NIPBL: variants seen among roughly 807,000 people sequenced by gnomAD.
NIPBL encodes the protein nipped-B-like protein.
NIPBL carries 19 observed loss-of-function variants against 321.8 expected under a neutral mutation model. The observed-to-expected ratio is 0.06, with a 90% CI of 0.04 to 0.09. The LOEUF is 0.09. Among genes scored for constraint, NIPBL ranks in the 10% least tolerant of loss-of-function variants. The probability of loss-of-function intolerance (pLI) is 1.00; values close to 1 mark genes in which losing one functional copy is unlikely to be tolerated. For missense variants in NIPBL, 2,210 were observed against 3,327.0 expected (o/e 0.66, Z 8.26); for synonymous variants, 1,106 against 1,114.1 (o/e 0.99, Z 0.14).
At chr5:36,968,611 A>G (rs1468038071) in intron 6 of NIPBL, among the ~76,000 whole-genome samples, 2 of 152,150 alleles carry the variant, frequency 1.3e-5, no homozygotes, top group African/African-American at 4.8e-5. Context: ...CTGTAGTCCC[A>G]GCTACTCAAG....
chr5:37,001,122 T>A, intron 14 of NIPBL, 44 bp downstream of exon 14: 2 of 1,270,286 alleles, frequency 1.6e-6, no homozygotes, highest in Non-Finnish European at 2.3e-6. Flanking sequence ...CTAAGTGTCT[T>A]AACTGTATCC....
chr5:37,044,602 T>C (rs1479585009), intron 35 of NIPBL, 34 bp from the exon 36 acceptor site: 1 of 1,589,644 alleles, frequency 6.3e-7, no homozygotes, highest in Non-Finnish European at 8.6e-7. Flanking sequence ...AGTATATTTT[T>C]AACTTTTATC....
Position 37,003,261 on chromosome 5 carries a change from C to T in NIPBL, c.3769C>T (p.Leu1257Phe), listed in dbSNP as rs753222256. The stretch of plus-strand genomic sequence containing the variant: ...TAAAGAATTTATATTGCTATTTTAG[C>T]TTTCAACTGACAAAACTGTGAAAGT... ...KIKAMGIMDK[L>F]STDKTVKVLN... Residue 1257 changes from leucine to phenylalanine, a missense_variant and splice_region_variant, in exon 16 of 47, where the codon CTT becomes TTT. By Grantham distance (22) the Leu-to-Phe change is conservative. Coordinates refer to ENST00000282516, the MANE Select transcript of NIPBL (RefSeq NM_133433.4). 1 of 1,556,718 alleles carries T rather than the reference C, an allele frequency of 6.4e-7. No individual in the cohort carries two copies. The highest frequency in any genetic ancestry group is 1.1e-5 in the South Asian group (1 of 89,788).
intron 40 of NIPBL, 188 bp from the exon 41 acceptor site, chr5:37,051,591 G>T (rs1753550593): frequency 1.6e-6 from 1 of 606,076 alleles, no homozygotes; most frequent in African/African-American, 1.9e-5. Context: ...TGGTGCTCCA[G>T]TGCTTTCTGG....
Position 36,970,864 on chromosome 5 carries a change from T to C in NIPBL, c.611-12T>C, listed in dbSNP as rs374790890. 6.8e-6 allele frequency: 11 copies of C among 1,609,604 alleles called. No individual in the cohort carries two copies. The highest frequency in any genetic ancestry group is 9.4e-6 in the Non-Finnish European group (11 of 1,176,208). ...CTTTTATTAAACCTTTTTTTATTCTTATTAATTTCAGCATCGGTATCAAGT... is the reference window on the plus strand; with the variant it reads ...CTTTTATTAAACCTTTTTTTATTCTCATTAATTTCAGCATCGGTATCAAGT... On this transcript the variant is annotated splice_polypyrimidine_tract_variant and intron_variant, in intron 6 of 46. Transcript: ENST00000282516.
At chr5:36,885,557 A>C (rs1745829620) in intron 1 of NIPBL, 1 of 529,388 alleles carries the variant, frequency 1.9e-6, no homozygotes, top group Non-Finnish European at 3.8e-6. Context: ...CCTGGAGAAG[A>C]AGGGACCCCA....
intron 40 of NIPBL, 135 bp from the exon 41 acceptor site, chr5:37,051,644 A>G: frequency 1.5e-6 from 1 of 659,600 alleles, no homozygotes; most frequent in Admixed American, 2.8e-5. Flanking sequence ...TAAAAAGAAC[A>G]CTAAAACATA....
rs939774059 is a variant in NIPBL, at chr5:36,885,932, G to A, written c.-80+8754G>A. 6 of 736,858 alleles carry A rather than the reference G, an allele frequency of 8.1e-6. No individual in the cohort carries two copies. The African/African-American group carries it at 8.6e-5, about 11-fold the overall frequency. The allele number at this position is 736,858 out of a possible 1,614,324, so 45.6% of individuals were successfully genotyped here. A position where few individuals can be genotyped will look rare whatever the true frequency, so the allele number is the denominator to read the frequency against. On this transcript the variant is annotated intron_variant, in intron 1 of 46. Transcript: ENST00000282516. ...GAAGGTAGATGCTCCCAAATCTCAG[G>A]ACCTCGCCAAGATCATGGCAGACAT... is the stretch of plus-strand genomic sequence containing the variant.
chr5:36,985,297 A>G lies in NIPBL; in HGVS notation c.2117A>G (p.Lys706Arg). The change falls in exon 10 of 47, where the codon AAG (lysine) becomes AGG (arginine). Residue 706 changes from lysine (K) to arginine (R), a missense_variant. Physicochemically the swap from Lys to Arg is conservative, Grantham distance 26. Transcript: ENST00000282516. ...TKSRPETPKQ[K>R]GESRPETPKQ... ...TCAAGGCCTGAAACCCCAAAGCAAA[A>G]GGGTGAAAGCCGGCCTGAGACTCCA... 6.2e-7 allele frequency: 1 copy of G among 1,613,764 alleles called. No individual in the cohort carries two copies. The highest frequency in any genetic ancestry group is 1.1e-5 in the South Asian group (1 of 91,076).
chr5:36,994,148 A>G (rs933090545), intron 10 of NIPBL, among the ~76,000 whole-genome samples: 1 of 152,180 alleles, frequency 6.6e-6, no homozygotes, highest in Non-Finnish European at 1.5e-5. Flanking sequence ...ATAAAACTTA[A>G]CTAGTTAAAT....
intron 30 of NIPBL, among the ~76,000 whole-genome samples, chr5:37,025,908 G>A (rs760277381): frequency 2.0e-5 from 3 of 151,748 alleles, no homozygotes; most frequent in Non-Finnish European, 4.4e-5. Context: ...AGCAAACACT[G>A]TAACAACTTC....
chr5:36,935,078 C>A (rs937227200), intron 1 of NIPBL, among the ~76,000 whole-genome samples: 1 of 152,036 alleles, frequency 6.6e-6, no homozygotes, highest in African/African-American at 2.4e-5. Context: ...TCCTTCGCTC[C>A]TCTCTGTTTT....
chr5:36,924,150 A>G (rs1451284007), intron 1 of NIPBL, among the ~76,000 whole-genome samples: 1 of 152,214 alleles, frequency 6.6e-6, no homozygotes, highest in Non-Finnish European at 1.5e-5. Context: ...AACTTTGGAT[A>G]ACAGCTATTT....
intron 1 of NIPBL, among the ~76,000 whole-genome samples, chr5:36,946,918 C>A (rs1197104049): frequency 6.6e-6 from 1 of 151,432 alleles, no homozygotes; most frequent in Non-Finnish European, 1.5e-5. Context: ...GTTTTATGTC[C>A]TTTAGGCAAA....
chr5:37,034,115 A>G (rs1349852931), intron 32 of NIPBL, among the ~76,000 whole-genome samples: 3 of 152,150 alleles, frequency 2.0e-5, no homozygotes, highest in African/African-American at 7.2e-5. Flanking sequence ...CATGGAGAAA[A>G]TAGCATATAG....
chr5:36,892,843 A>T (rs1218798994), intron 1 of NIPBL, among the ~76,000 whole-genome samples: 1 of 152,160 alleles, frequency 6.6e-6, no homozygotes, highest in African/African-American at 2.4e-5. Flanking sequence ...ATGCTAAATG[A>T]CAAGTTAATG....
chr5:37,028,332 A>AATT (rs1750552522), intron 32 of NIPBL, among the ~76,000 whole-genome samples: 1 of 85,132 alleles, frequency 1.2e-5, no homozygotes, highest in African/African-American at 7.0e-5. Flanking sequence ...TTTCCATAAT[A>AATT]CTTTTTTTTT....
chr5:37,037,391 AAATATAT>A (rs1751813975), intron 33 of NIPBL, among the ~76,000 whole-genome samples: 1 of 145,290 alleles, frequency 6.9e-6, no homozygotes, highest in African/African-American at 2.5e-5. Context: ...CCGTCTCAAA[AAATATAT>A]ATATATATAT....
At chr5:37,027,577 A>G (rs1302005552) in intron 32 of NIPBL, among the ~76,000 whole-genome samples, 165 bp downstream of exon 32, 2 of 107,150 alleles carry the variant, frequency 1.9e-5, no homozygotes, top group Admixed American at 8.8e-5. Context: ...GTTAATTTCT[A>G]TAATTAATTC....
Sources: allele counts gnomAD v4.1 joint callset (sites outside exome capture counted in the v4.1 genomes callset), GRCh38; gene constraint gnomAD v4.1.1; transcripts MANE v1.5; gene names NCBI Gene and HGNC (gene_info 2026-07-23, HGNC 2026-07-21).